Variants in GRM7 observed in about 807,000 individuals in gnomAD.
The protein encoded by GRM7 is metabotropic glutamate receptor 7.
Under a neutral mutation model 84.5 loss-of-function variants are expected in GRM7, and 35 were observed. That is an observed-to-expected ratio of 0.41 (90% CI 0.32 to 0.55). The LOEUF is 0.55. Among genes scored for constraint, GRM7 ranks in the 20% least tolerant of loss-of-function variants. The pLI is 0.19. For synonymous variants in GRM7, 487 were observed against 455.1 expected (o/e 1.07, Z -0.89); for missense variants, 1,003 against 1,194.6 (o/e 0.84, Z 2.36).
At chr3:7,448,929 T>A (rs1349152549) in intron 5 of GRM7, among the ~76,000 whole-genome samples, 1 of 152,106 alleles carries the variant, frequency 6.6e-6, no homozygotes, top group Admixed American at 6.6e-5. Context: ...TATTTTATAA[T>A]GGTCGAAATG....
At chr3:7,521,040 T>A (rs867428408) in intron 7 of GRM7, among the ~76,000 whole-genome samples, 27 of 152,336 alleles carry the variant, frequency 1.8e-4, no homozygotes, top group African/African-American at 6.3e-4. Flanking sequence ...GGTTTTATTG[T>A]TCCTAATGGG....
chr3:6,958,156 G>A (rs1693143832), intron 1 of GRM7, among the ~76,000 whole-genome samples: 1 of 150,996 alleles, frequency 6.6e-6, no homozygotes, highest in Admixed American at 6.6e-5. Flanking sequence ...CACCCCCAAA[G>A]TTTTCTTGTG....
At position 7,405,696 on chromosome 3, in the gene GRM7, T is replaced by A. The variant is rs761881156; in HGVS notation, c.1034-9327T>A. 7.8e-4 allele frequency among the ~76,000 whole-genome samples: 119 copies of A among 152,190 alleles called. 1 individual carries two copies. Among genetic ancestry groups the A allele is most frequent in the Non-Finnish European group, 1.5e-3 (103 of 68,020 alleles). On this transcript the variant is annotated intron_variant, in intron 4 of 9. Transcript: ENST00000357716. ...GCAAAAGACTGAATATTCTATTGAA[T>A]GAGCATTTATTTTGGAGAGATAATA... is the stretch of plus-strand genomic sequence containing the variant.
chr3:7,164,487 T>G (rs910522276), intron 2 of GRM7, among the ~76,000 whole-genome samples: 3 of 152,242 alleles, frequency 2.0e-5, no homozygotes, highest in Non-Finnish European at 4.4e-5. Flanking sequence ...TTCAGAGTTG[T>G]CACTCATACC....
At chr3:7,111,048 G>T (rs1313026025) in intron 1 of GRM7, among the ~76,000 whole-genome samples, 1 of 151,992 alleles carries the variant, frequency 6.6e-6, no homozygotes. Flanking sequence ...AAAACAACTT[G>T]GACAGAGACA....
chr3:7,569,198 C>A (rs1252579177), intron 7 of GRM7, among the ~76,000 whole-genome samples: 2 of 150,350 alleles, frequency 1.3e-5, no homozygotes, highest in East Asian at 3.9e-4. Flanking sequence ...TGTGAATGCA[C>A]CAATCTACAC....
intron 8 of GRM7, among the ~76,000 whole-genome samples, chr3:7,591,776 C>G (rs1392887341): frequency 6.6e-6 from 1 of 152,104 alleles, no homozygotes; most frequent in African/African-American, 2.4e-5. Context: ...AACGCCACAG[C>G]AAACTCTAAA....
intron 9 of GRM7, among the ~76,000 whole-genome samples, chr3:7,713,692 T>C (rs1048254142): frequency 6.6e-6 from 1 of 151,374 alleles, no homozygotes; most frequent in East Asian, 1.9e-4. Context: ...ATTTGAATAA[T>C]GCATGTTAAC....
At chr3:7,622,245 G>C (rs1251033993) in intron 8 of GRM7, among the ~76,000 whole-genome samples, 1 of 152,052 alleles carries the variant, frequency 6.6e-6, no homozygotes, top group Non-Finnish European at 1.5e-5. Flanking sequence ...CCACTCTTTG[G>C]TAGGCACATG....
At chr3:7,242,600 G>C (rs1697601006) in intron 2 of GRM7, among the ~76,000 whole-genome samples, 1 of 152,182 alleles carries the variant, frequency 6.6e-6, no homozygotes, top group Admixed American at 6.5e-5. Context: ...CTTTAATATT[G>C]TAAGGGCCTT....
At chr3:7,145,908 G>T (rs1406645374) in intron 1 of GRM7, among the ~76,000 whole-genome samples, 1 of 152,112 alleles carries the variant, frequency 6.6e-6, no homozygotes, top group Admixed American at 6.5e-5. Context: ...GGGGCAAAGG[G>T]TATTACAGAG....
chr3:7,125,959 A>G (rs1053135128), intron 1 of GRM7, among the ~76,000 whole-genome samples: 5 of 152,184 alleles, frequency 3.3e-5, no homozygotes, highest in African/African-American at 9.7e-5. Flanking sequence ...AAAATTGACA[A>G]CTGAATTGTC....
intron 1 of GRM7, among the ~76,000 whole-genome samples, chr3:7,028,470 C>A (rs1221785633): frequency 6.6e-6 from 1 of 152,098 alleles, no homozygotes; most frequent in Non-Finnish European, 1.5e-5. Flanking sequence ...ATAATAATAA[C>A]CTTGGCTCAA....
intron 1 of GRM7, among the ~76,000 whole-genome samples, chr3:6,980,729 T>C (rs1284071833): frequency 6.6e-6 from 1 of 152,134 alleles, no homozygotes; most frequent in Non-Finnish European, 1.5e-5. Context: ...TAGAGTGAAA[T>C]TAGGAAAACT....
intron 1 of GRM7, among the ~76,000 whole-genome samples, chr3:6,990,519 A>G (rs1000975548): frequency 1.3e-5 from 2 of 152,146 alleles, no homozygotes; most frequent in African/African-American, 4.8e-5. Context: ...ATTACTATCG[A>G]CATGGCTCCA....
rs563622245 is a variant in GRM7 at position 6,974,183 on chromosome 3, A to G, written c.519+112276A>G. ...ACAAAGCCATCAGCCTGAACAACAG[A>G]GAGAAAGCCACTGGCATATATGGAA... On this transcript the variant is annotated intron_variant, in intron 1 of 9. Coordinates refer to ENST00000357716, the MANE Select transcript of GRM7 (RefSeq NM_000844.4). 7.8e-4 allele frequency among the ~76,000 whole-genome samples: 119 copies of G among 152,348 alleles called. 1 individual carries two copies. The highest frequency in any genetic ancestry group is 2.8e-3 in the African/African-American group (116 of 41,570).
At chr3:6,984,439 A>C (rs928090720) in intron 1 of GRM7, among the ~76,000 whole-genome samples, 1 of 152,214 alleles carries the variant, frequency 6.6e-6, no homozygotes, top group Non-Finnish European at 1.5e-5. Flanking sequence ...CATAGATTTC[A>C]TTACGTAGAC....
intron 7 of GRM7, among the ~76,000 whole-genome samples, chr3:7,572,128 A>G (rs771832736): frequency 2.0e-5 from 3 of 152,142 alleles, no homozygotes; most frequent in Non-Finnish European, 4.4e-5. Flanking sequence ...CAATCAGACC[A>G]TATCACCAGA....
intron 4 of GRM7, among the ~76,000 whole-genome samples, chr3:7,377,300 A>T (rs1218908332): frequency 2.0e-5 from 3 of 152,198 alleles, no homozygotes; most frequent in African/African-American, 7.2e-5. Context: ...CCTGTGTGAC[A>T]CTTGCCTGAA....
Sources: gnomAD v4.1 joint callset for allele counts (sites outside exome capture counted in the v4.1 genomes callset) on GRCh38, gnomAD v4.1.1 for gene constraint, MANE v1.5 for transcripts, NCBI Gene and HGNC (gene_info 2026-07-23, HGNC 2026-07-21) for gene names.